Variants in CRIM1 observed in about 807,000 individuals in gnomAD.
CRIM1 encodes the protein cysteine-rich motor neuron 1 protein.
CRIM1 carries 32 observed loss-of-function variants against 116.4 expected under a neutral mutation model. The observed-to-expected ratio is 0.27, with a 90% CI of 0.21 to 0.37. The LOEUF (loss-of-function observed/expected upper bound fraction) is 0.37. CRIM1 is among the 10% of genes least tolerant of loss of function. The pLI is 1.00. For missense variants in CRIM1, 1,331 were observed against 1,354.8 expected (o/e 0.98, Z 0.28); for synonymous variants, 590 against 509.2 (o/e 1.16, Z -2.13).
At chr2:36,510,876 A>G (rs1055429246) in intron 9 of CRIM1, among the ~76,000 whole-genome samples, 2 of 141,858 alleles carry the variant, frequency 1.4e-5, no homozygotes, top group Admixed American at 7.0e-5. Context: ...TTTCATTTCA[A>G]TCTGTCTTTC....
chr2:36,428,336 C>T (rs1674617344), intron 2 of CRIM1, among the ~76,000 whole-genome samples: 1 of 152,208 alleles, frequency 6.6e-6, no homozygotes, highest in South Asian at 2.1e-4. Flanking sequence ...CTTTTCTTCT[C>T]CTTTGACAAG....
At chr2:36,490,608 C>A (rs995798566) in intron 7 of CRIM1, among the ~76,000 whole-genome samples, 1 of 152,162 alleles carries the variant, frequency 6.6e-6, no homozygotes, top group African/African-American at 2.4e-5. Flanking sequence ...TGTGGCCCAG[C>A]CTTTGATCCC....
intron 7 of CRIM1, among the ~76,000 whole-genome samples, chr2:36,488,787 A>T (rs1370662353): frequency 1.3e-5 from 2 of 152,170 alleles, no homozygotes; most frequent in African/African-American, 2.4e-5. Context: ...CAGTAAAAAG[A>T]TGCAGTCCCA....
chr2:36,501,709 A>G (rs2125090054), intron 8 of CRIM1, among the ~76,000 whole-genome samples: 1 of 152,062 alleles, frequency 6.6e-6, no homozygotes, highest in African/African-American at 2.4e-5. Context: ...GTGACAGAGC[A>G]AGACCCTTTT....
At chr2:36,548,387 G>A in intron 16 of CRIM1, 138 bp from the exon 17 acceptor site, 1 of 469,130 alleles carries the variant, frequency 2.1e-6, no homozygotes, top group Admixed American at 4.1e-5. Flanking sequence ...AACAAGATGT[G>A]ATAATCTGCA....
chr2:36,395,563 G>T (rs756332695), intron 1 of CRIM1, among the ~76,000 whole-genome samples: 102 of 152,140 alleles, frequency 6.7e-4, no homozygotes, highest in Non-Finnish European at 9.0e-4. Context: ...ATGAAGAATT[G>T]AGCCTGCATA....
At chr2:36,534,902 G>T (rs923888664) in intron 13 of CRIM1, among the ~76,000 whole-genome samples, 1 of 152,068 alleles carries the variant, frequency 6.6e-6, no homozygotes, top group African/African-American at 2.4e-5. Flanking sequence ...TGCATTGTAT[G>T]GGCCAAGGTT....
intron 5 of CRIM1, among the ~76,000 whole-genome samples, chr2:36,469,971 C>T (rs1343064418): frequency 2.0e-5 from 3 of 152,072 alleles, no homozygotes; most frequent in South Asian, 2.1e-4. Context: ...GTGGAATAAG[C>T]CAATTGAAAC....
At chr2:36,413,496 C>G (rs1334991723) in intron 2 of CRIM1, among the ~76,000 whole-genome samples, 2 of 152,130 alleles carry the variant, frequency 1.3e-5, no homozygotes, top group Non-Finnish European at 2.9e-5. Flanking sequence ...AGGCCAAAAG[C>G]AATATGTTTC....
At chr2:36,426,784 T>C (rs1674479161) in intron 2 of CRIM1, among the ~76,000 whole-genome samples, 1 of 152,226 alleles carries the variant, frequency 6.6e-6, no homozygotes, top group Non-Finnish European at 1.5e-5. Flanking sequence ...GTGTAGTGCT[T>C]TCCCTATTCC....
chr2:36,396,991 G>C (rs1237641085), intron 2 of CRIM1, among the ~76,000 whole-genome samples: 1 of 152,190 alleles, frequency 6.6e-6, no homozygotes, highest in Non-Finnish European at 1.5e-5. Flanking sequence ...CGGTGCTGTG[G>C]TGGTGTGAGC....
At chr2:36,459,202 G>A (rs1285805054) in intron 4 of CRIM1, among the ~76,000 whole-genome samples, 1 of 152,016 alleles carries the variant, frequency 6.6e-6, no homozygotes, top group Non-Finnish European at 1.5e-5. Context: ...AGACTCTCCT[G>A]GAGAGCCTAT....
chr2:36,410,022 A>G (rs1317763831), intron 2 of CRIM1, among the ~76,000 whole-genome samples: 1 of 152,216 alleles, frequency 6.6e-6, no homozygotes, highest in Non-Finnish European at 1.5e-5. Context: ...ATATACTCTT[A>G]CAGTGTGCCT....
Position 36,537,538 on chromosome 2 carries a change from T to C in CRIM1, c.2615T>C (p.Met872Thr), listed in dbSNP as rs1666637115. The C allele has an allele frequency of 1.9e-6, 3 of 1,609,764 alleles. No individual in the cohort carries two copies. Among genetic ancestry groups the C allele is most frequent in the African/African-American group, 2.7e-5 (2 of 74,814 alleles). ...AACGTGGAAGGAAGTTGCTGCCCAA[T>C]GTGTCCAGGTATCTAAGCCACCATC... ...PINVEGSCCP[M>T]CPEMYVPEPT... Residue 872 changes from methionine to threonine, a missense_variant, in exon 14 of 17, where the codon ATG (methionine) becomes ACG (threonine). Coordinates refer to ENST00000280527, the MANE Select transcript of CRIM1 (RefSeq NM_016441.3).
At chr2:36,375,187 A>G (rs1188438483) in intron 1 of CRIM1, among the ~76,000 whole-genome samples, 1 of 152,176 alleles carries the variant, frequency 6.6e-6, no homozygotes, top group African/African-American at 2.4e-5. Flanking sequence ...GCAGTTTTCC[A>G]CTTCCACCAT....
At chr2:36,479,418 GA>G (rs1679233092) in intron 6 of CRIM1, 78 bp from the exon 7 acceptor site, 5 of 1,435,094 alleles carry the variant, frequency 3.5e-6, no homozygotes, top group African/African-American at 2.8e-5. Context: ...AGAACCCAGG[GA>G]AAAAATGTCT....
intron 4 of CRIM1, among the ~76,000 whole-genome samples, chr2:36,459,116 A>T (rs946275395): frequency 6.6e-6 from 1 of 152,162 alleles, no homozygotes; most frequent in Admixed American, 6.5e-5. Flanking sequence ...GAAAGTACAA[A>T]TTAAACTGTG....
rs377043399 is a variant in CRIM1, at chr2:36,382,703, G to A, written c.332-13911G>A. 1.2e-4 allele frequency among the ~76,000 whole-genome samples: 19 copies of A among 152,344 alleles called. No homozygotes were observed. In the East Asian group the frequency reaches 3.3e-3, roughly 26 times the overall value. ...GGCAGTGCTGCAGCTGAGTTGGCCT[G>A]TGTCTCCTGGCTCAAGGGGTGCATC... On this transcript the variant is annotated intron_variant, in intron 1 of 16. Coordinates refer to ENST00000280527, the MANE Select transcript of CRIM1 (RefSeq NM_016441.3).
At chr2:36,546,515 C>G (rs1667342687) in intron 15 of CRIM1, among the ~76,000 whole-genome samples, 2 of 152,092 alleles carry the variant, frequency 1.3e-5, no homozygotes, top group South Asian at 2.1e-4. Flanking sequence ...TAGTTTTAAT[C>G]TAATTAGTCT....
Sources: gnomAD v4.1 joint callset for allele counts (sites outside exome capture counted in the v4.1 genomes callset) on GRCh38, gnomAD v4.1.1 for gene constraint, MANE v1.5 for transcripts, NCBI Gene and HGNC (gene_info 2026-07-23, HGNC 2026-07-21) for gene names.